Variants in LRRIQ3 observed in about 807,000 individuals in gnomAD.
LRRIQ3 encodes the protein leucine-rich repeat and IQ domain-containing protein 3.
Under a neutral mutation model 59.3 loss-of-function variants are expected in LRRIQ3, and 75 were observed. The ratio of observed to expected loss-of-function variants is 1.26; its 90% CI spans 1.05 to 1.53. The LOEUF is 1.53. Among genes scored for constraint, LRRIQ3 ranks in the 40% most tolerant of loss-of-function variants. The probability of loss-of-function intolerance (pLI) is 0.00; values close to 1 mark genes in which losing one functional copy is unlikely to be tolerated. For missense variants in LRRIQ3, 831 were observed against 710.0 expected, an observed-to-expected ratio of 1.17 and a Z score of -1.94; for synonymous variants, 250 against 231.3, an observed-to-expected ratio of 1.08 and a Z score of -0.73.
chr1:74,135,542 G>A (rs572714150), intron 4 of LRRIQ3, among the ~76,000 whole-genome samples: 2 of 151,808 alleles, frequency 1.3e-5, no homozygotes, highest in East Asian at 3.9e-4. Context: ...AATCAACAAA[G>A]TATGTTCAGT....
At chr1:74,043,217 T>C (rs917759177) in intron 6 of LRRIQ3, among the ~76,000 whole-genome samples, 1 of 152,130 alleles carries the variant, frequency 6.6e-6, no homozygotes, top group Non-Finnish European at 1.5e-5. Context: ...GAAAAAGGTG[T>C]TTCTTGATTT....
At chr1:74,179,563 A>G (rs1446698719) in intron 3 of LRRIQ3, among the ~76,000 whole-genome samples, 8 of 152,048 alleles carry the variant, frequency 5.3e-5, no homozygotes, top group Non-Finnish European at 1.0e-4. Context: ...TCTAAAACAT[A>G]TATTTCAAAC....
At chr1:74,102,183 A>T (rs1011770599) in intron 5 of LRRIQ3, among the ~76,000 whole-genome samples, 1 of 152,040 alleles carries the variant, frequency 6.6e-6, no homozygotes, top group Admixed American at 6.6e-5. Context: ...AATAATATTT[A>T]GAAAAGAATA....
chr1:74,164,888 C>A (rs1206967577), intron 3 of LRRIQ3, among the ~76,000 whole-genome samples: 1 of 151,474 alleles, frequency 6.6e-6, no homozygotes, highest in Non-Finnish European at 1.5e-5. Flanking sequence ...GCTATGGATA[C>A]CCAATTGCTC....
intron 4 of LRRIQ3, among the ~76,000 whole-genome samples, chr1:74,137,887 G>C (rs894289063): frequency 2.0e-5 from 3 of 146,850 alleles, no homozygotes; most frequent in Non-Finnish European, 4.5e-5. Context: ...TGTTGGAGTT[G>C]AACAATGAGA....
At chr1:74,109,033 C>A in intron 5 of LRRIQ3, 1 of 223,238 alleles carries the variant, frequency 4.5e-6, no homozygotes, top group South Asian at 5.8e-5. Flanking sequence ...AGCATAAAAC[C>A]AATGAATGAA....
intron 4 of LRRIQ3, among the ~76,000 whole-genome samples, chr1:74,141,830 C>G (rs1406150368): frequency 6.6e-6 from 1 of 151,624 alleles, no homozygotes; most frequent in Non-Finnish European, 1.5e-5. Flanking sequence ...CTTTTGTTTT[C>G]CACTATTAAA....
At chr1:74,164,422 T>C in intron 3 of LRRIQ3, among the ~76,000 whole-genome samples, 1 of 151,470 alleles carries the variant, frequency 6.6e-6, no homozygotes, top group East Asian at 1.9e-4. Flanking sequence ...AAGAAGAGCA[T>C]CTACAAGCCA....
At chr1:74,174,706 T>C (rs992805069) in intron 3 of LRRIQ3, among the ~76,000 whole-genome samples, 1 of 152,134 alleles carries the variant, frequency 6.6e-6, no homozygotes, top group African/African-American at 2.4e-5. Context: ...CAACTTCATT[T>C]TGGTTAATGT....
intron 5 of LRRIQ3, among the ~76,000 whole-genome samples, chr1:74,092,713 AG>A (rs1646408303): frequency 6.6e-6 from 1 of 152,090 alleles, no homozygotes. Context: ...ATTTTTGATA[AG>A]GCAGGTACTC....
At chr1:74,068,490 C>A (rs1489664744) in intron 6 of LRRIQ3, among the ~76,000 whole-genome samples, 1 of 151,924 alleles carries the variant, frequency 6.6e-6, no homozygotes, top group Non-Finnish European at 1.5e-5. Context: ...GGAAGCTGGG[C>A]AATGCAGGGG....
chr1:74,132,447 C>A (rs1008336906), intron 4 of LRRIQ3, among the ~76,000 whole-genome samples: 1 of 152,134 alleles, frequency 6.6e-6, no homozygotes, highest in Non-Finnish European at 1.5e-5. Flanking sequence ...AGGCGTCGTG[C>A]TACCTGACTT....
At position 74,062,862 on chromosome 1, in the gene LRRIQ3, G is replaced by GA. The variant is rs201490043; in HGVS notation, c.997+11798dup. On this transcript the variant is annotated intron_variant, in intron 6 of 7. Transcript: ENST00000354431. The stretch of plus-strand genomic sequence containing the variant: ...GGTGGGTGTGAGGAGGGTGAGGAGT[G>GA]AAAAAATACCTATCGGATACTATGC... 5.1e-3 allele frequency among the ~76,000 whole-genome samples: 778 copies of GA among 151,928 alleles called. 7 individuals carry two copies. Among genetic ancestry groups the GA allele is most frequent in the Admixed American group, 9.4e-3 (143 of 15,234 alleles).
chr1:74,123,955 T>C (rs1168603928), intron 4 of LRRIQ3, among the ~76,000 whole-genome samples: 4 of 151,902 alleles, frequency 2.6e-5, no homozygotes, highest in East Asian at 1.9e-4. Flanking sequence ...TACAGAGATA[T>C]AGTAACCAAA....
chr1:74,198,116 A>T lies in LRRIQ3; in HGVS notation c.-121T>A. On this transcript the variant is annotated 5_prime_UTR_variant, in exon 1 of 8. An upstream start codon of the reference 5' UTR is lost. Coordinates refer to ENST00000354431, the MANE Select transcript of LRRIQ3 (RefSeq NM_001105659.2). ...ACCGTTGCTAGAGAAACAAGACAAC[A>T]TCCAAGTTCTCCACATCATGGTTTT... 1 of 1,394,626 alleles carries T rather than the reference A, an allele frequency of 7.2e-7. No individual in the cohort carries two copies. The highest frequency in any genetic ancestry group is 2.6e-4 in the Middle Eastern group (1 of 3,784). 86.4% of individuals were successfully genotyped at this position (1,394,626 alleles called of 1,614,324 possible).
At chr1:74,079,080 C>T (rs1176481166) in intron 5 of LRRIQ3, among the ~76,000 whole-genome samples, 1 of 151,724 alleles carries the variant, frequency 6.6e-6, no homozygotes, top group African/African-American at 2.4e-5. Context: ...ATCACAAATG[C>T]CTCTTATTGG....
chr1:74,187,075 G>A (rs1488078996), intron 1 of LRRIQ3, among the ~76,000 whole-genome samples: 1 of 152,008 alleles, frequency 6.6e-6, no homozygotes, highest in Admixed American at 6.6e-5. Context: ...GAATACTGCT[G>A]GTGGGAATGT....
intron 1 of LRRIQ3, among the ~76,000 whole-genome samples, chr1:74,196,588 C>A (rs1039093304): frequency 6.6e-6 from 1 of 152,088 alleles, no homozygotes; most frequent in African/African-American, 2.4e-5. Context: ...AATTCTGGAC[C>A]CTATTACCCC....
intron 1 of LRRIQ3, among the ~76,000 whole-genome samples, chr1:74,194,661 T>TA (rs1372929511): frequency 5.3e-5 from 8 of 152,090 alleles, no homozygotes; most frequent in African/African-American, 1.9e-4. Flanking sequence ...AGATGGATAT[T>TA]AAACAGCCAA....
Sources: allele counts gnomAD v4.1 joint callset (sites outside exome capture counted in the v4.1 genomes callset), GRCh38; gene constraint gnomAD v4.1.1; transcripts MANE v1.5; gene names NCBI Gene and HGNC (gene_info 2026-07-23, HGNC 2026-07-21).